The following EDN1 variants were observed in gnomAD, a reference collection of about 807,000 sequenced individuals.
EDN1 encodes the protein endothelin 1.
EDN1 carries 11 observed loss-of-function variants against 21.7 expected under a neutral mutation model. The ratio of observed to expected loss-of-function variants is 0.51; its 90% CI spans 0.32 to 0.84. The LOEUF is 0.84. Ranked by LOEUF, EDN1 falls within the 40% of genes least tolerant of loss-of-function variation. The probability of loss-of-function intolerance (pLI) is 0.03; values close to 1 mark genes in which losing one functional copy is unlikely to be tolerated. For missense variants in EDN1, 244 were observed against 262.3 expected, an observed-to-expected ratio of 0.93 and a Z score of 0.48; for synonymous variants, 85 against 90.6, an observed-to-expected ratio of 0.94 and a Z score of 0.35.
chr6:12,256,054 C>G, the EDN1 span, among the ~76,000 whole-genome samples: 33 of 152,198 alleles, frequency 2.2e-4, no homozygotes, highest in Admixed American at 3.3e-4. Flanking sequence ...GCACAGGAAA[C>G]AAGACGGCTT....
upstream of EDN1, among the ~76,000 whole-genome samples, chr6:12,287,230 T>C (rs1193396776): frequency 1.3e-5 from 2 of 151,602 alleles, no homozygotes; most frequent in African/African-American, 4.9e-5. Context: ...TCCCTTCCCT[T>C]TCTGAGAGTG....
the EDN1 span, among the ~76,000 whole-genome samples, chr6:12,246,539 G>A: frequency 6.6e-6 from 1 of 152,164 alleles, no homozygotes; most frequent in East Asian, 1.9e-4. Context: ...AGCAGTATCT[G>A]TAACCCTGCT....
At chr6:12,261,582 T>C in the EDN1 span, among the ~76,000 whole-genome samples, 6 of 152,132 alleles carry the variant, frequency 3.9e-5, no homozygotes, top group South Asian at 1.2e-3. Flanking sequence ...GCGGTGTTAT[T>C]AAATAAAGGC....
At chr6:12,230,628 A>G in the EDN1 span, among the ~76,000 whole-genome samples, 2 of 152,150 alleles carry the variant, frequency 1.3e-5, no homozygotes, top group Non-Finnish European at 2.9e-5. Flanking sequence ...TGTTTACAGG[A>G]TAAGGGCTGA....
chr6:12,279,299 A>G, the EDN1 span, among the ~76,000 whole-genome samples: 1 of 151,990 alleles, frequency 6.6e-6, no homozygotes, highest in African/African-American at 2.4e-5. Flanking sequence ...CAGAGAGGGG[A>G]GGTATGTCCC....
At chr6:12,241,166 C>CTTTTTTTT in the EDN1 span, among the ~76,000 whole-genome samples, 12 of 138,354 alleles carry the variant, frequency 8.7e-5, no homozygotes, top group Non-Finnish European at 1.2e-4. Flanking sequence ...TTCTTTCTTT[C>CTTTTTTTT]TTTTTTTTTT....
At chr6:12,260,163 A>C in the EDN1 span, among the ~76,000 whole-genome samples, 1 of 152,176 alleles carries the variant, frequency 6.6e-6, no homozygotes, top group South Asian at 2.1e-4. Context: ...AATTAGTAAG[A>C]GTTCTTGTTA....
chr6:12,240,065 G>T, the EDN1 span, among the ~76,000 whole-genome samples: 1 of 152,178 alleles, frequency 6.6e-6, no homozygotes, highest in East Asian at 1.9e-4. Flanking sequence ...TCATCATTCT[G>T]ATTGCTTATA....
At chr6:12,249,075 T>C in the EDN1 span, among the ~76,000 whole-genome samples, 1 of 152,216 alleles carries the variant, frequency 6.6e-6, no homozygotes, top group South Asian at 2.1e-4. Flanking sequence ...TTTTAAACTT[T>C]AGTGTTTCTA....
upstream of EDN1, among the ~76,000 whole-genome samples, chr6:12,287,704 TCTCTCTCTCACA>T (rs1762578257): frequency 1.3e-5 from 1 of 77,112 alleles, no homozygotes; most frequent in Non-Finnish European, 2.9e-5. Flanking sequence ...TCTCTCTCTC[TCTCTCTCTCACA>T]CACACACACA....
chr6:12,287,286 T>G (rs1322696777), upstream of EDN1, among the ~76,000 whole-genome samples: 2 of 151,598 alleles, frequency 1.3e-5, no homozygotes, highest in Non-Finnish European at 2.9e-5. Context: ...CTCTGAGGGG[T>G]GGGGTGGGGC....
chr6:12,236,768 C>CTT, the EDN1 span, among the ~76,000 whole-genome samples: 281 of 144,394 alleles, frequency 1.9e-3, 1 homozygote, highest in African/African-American at 5.5e-3. Context: ...GCCAATATTT[C>CTT]TTTTTTTTTT....
At chr6:12,255,491 A>G in the EDN1 span, among the ~76,000 whole-genome samples, 1 of 152,256 alleles carries the variant, frequency 6.6e-6, no homozygotes, top group Non-Finnish European at 1.5e-5. Context: ...CATTAAAAGC[A>G]GGAACAAGAC....
the EDN1 span, among the ~76,000 whole-genome samples, chr6:12,245,235 T>C: frequency 6.6e-6 from 1 of 152,172 alleles, no homozygotes; most frequent in East Asian, 1.9e-4. Context: ...TATGGGTACA[T>C]AGGACTTGAT....
At chr6:12,241,166 C>CTTTTTT in the EDN1 span, among the ~76,000 whole-genome samples, 27 of 138,354 alleles carry the variant, frequency 2.0e-4, no homozygotes, top group Admixed American at 3.8e-4. Flanking sequence ...TTCTTTCTTT[C>CTTTTTT]TTTTTTTTTT....
upstream of EDN1, among the ~76,000 whole-genome samples, chr6:12,289,634 G>A (rs1428203585): frequency 1.3e-5 from 2 of 152,178 alleles, no homozygotes; most frequent in Non-Finnish European, 2.9e-5. Context: ...CTCCTCCGCA[G>A]GGGAAGTGTG....
the EDN1 span, among the ~76,000 whole-genome samples, chr6:12,254,471 G>A: frequency 6.6e-6 from 1 of 152,098 alleles, no homozygotes; most frequent in Non-Finnish European, 1.5e-5. Context: ...ATAACAGCCT[G>A]TTGATATGTC....
chr6:12,266,500 C>G, the EDN1 span, among the ~76,000 whole-genome samples: 1 of 152,086 alleles, frequency 6.6e-6, no homozygotes, highest in African/African-American at 2.4e-5. Context: ...AGACACAGTC[C>G]CTCTTCTCCA....
chr6:12,239,913 A>G, the EDN1 span, among the ~76,000 whole-genome samples: 4 of 152,196 alleles, frequency 2.6e-5, no homozygotes, highest in East Asian at 7.7e-4. Context: ...AACAAAAAAC[A>G]AAAACAGAAA....
Sources: allele counts gnomAD v4.1 joint callset (sites outside exome capture counted in the v4.1 genomes callset), GRCh38; gene constraint gnomAD v4.1.1; transcripts MANE v1.5; gene names NCBI Gene and HGNC (gene_info 2026-07-23, HGNC 2026-07-21).